The following GPC5 variants were observed in gnomAD, a reference collection of about 807,000 sequenced individuals.
GPC5 encodes glypican-5.
Under a neutral mutation model 53.9 loss-of-function variants are expected in GPC5, and 47 were observed. That is an observed-to-expected ratio of 0.87 (90% CI 0.69 to 1.11). The LOEUF is 1.11. Among genes scored for constraint, GPC5 ranks in the 50% most tolerant of loss-of-function variants. The pLI, the probability that GPC5 is intolerant of heterozygous loss-of-function variation, is 0.00. For missense variants in GPC5, 748 were observed against 713.1 expected (o/e 1.05, Z -0.56); for synonymous variants, 286 against 263.3 (o/e 1.09, Z -0.84).
At chr13:92,069,054 C>T (rs1430065849) in intron 6 of GPC5, among the ~76,000 whole-genome samples, 2 of 151,940 alleles carry the variant, frequency 1.3e-5, no homozygotes, top group African/African-American at 4.8e-5. Flanking sequence ...AACATAAGGT[C>T]AGAATCCAAC....
At chr13:91,635,814 A>G (rs2034271348) in intron 2 of GPC5, among the ~76,000 whole-genome samples, 1 of 151,964 alleles carries the variant, frequency 6.6e-6, no homozygotes, top group African/African-American at 2.4e-5. Flanking sequence ...TCAGTTTCAT[A>G]TTTTTCACTC....
At chr13:92,070,215 T>C (rs1311415254) in intron 6 of GPC5, among the ~76,000 whole-genome samples, 1 of 152,192 alleles carries the variant, frequency 6.6e-6, no homozygotes, top group East Asian at 1.9e-4. Flanking sequence ...ACTGCGATAC[T>C]ACCTACACAA....
At chr13:91,949,080 G>A (rs1747419166) in intron 6 of GPC5, among the ~76,000 whole-genome samples, 1 of 152,060 alleles carries the variant, frequency 6.6e-6, no homozygotes, top group African/African-American at 2.4e-5. Flanking sequence ...ATAACTCATG[G>A]CACATATGGA....
chr13:92,075,066 ATTT>A (rs1191673529), intron 6 of GPC5, among the ~76,000 whole-genome samples: 1 of 152,072 alleles, frequency 6.6e-6, no homozygotes, highest in Non-Finnish European at 1.5e-5. Context: ...CTGTTTTGAA[ATTT>A]TTTTCTTATT....
intron 1 of GPC5, among the ~76,000 whole-genome samples, chr13:91,415,300 A>G (rs559033113): frequency 2.8e-4 from 42 of 152,164 alleles, no homozygotes; most frequent in Non-Finnish European, 5.3e-4. Flanking sequence ...CTGTAACACA[A>G]TCCCCTACAT....
Position 92,866,517 on chromosome 13 carries a change from C to T in GPC5, c.*78C>T. On this transcript the variant is annotated 3_prime_UTR_variant, in exon 8 of 8. Coordinates refer to ENST00000377067, the MANE Select transcript of GPC5 (RefSeq NM_004466.6). The stretch of plus-strand genomic sequence containing the variant: ...CTGCATATGCCTGGAATAAGAGATC[C>T]TTTTTCAATGTAACAATTATATTTA... 8.9e-7 allele frequency: 1 copy of T among 1,123,384 alleles called. No individual in the cohort carries two copies. 69.6% of individuals were successfully genotyped at this position (1,123,384 alleles called of 1,614,324 possible). A position where few individuals can be genotyped will look rare whatever the true frequency, so the allele number is the denominator to read the frequency against.
intron 7 of GPC5, among the ~76,000 whole-genome samples, chr13:92,636,376 A>G (rs936403561): frequency 9.2e-5 from 14 of 152,184 alleles, no homozygotes; most frequent in African/African-American, 3.1e-4. Context: ...TTTGATATAT[A>G]TAGGACTTAT....
intron 6 of GPC5, among the ~76,000 whole-genome samples, chr13:91,975,756 C>G (rs1382458294): frequency 6.6e-6 from 1 of 152,158 alleles, no homozygotes; most frequent in Non-Finnish European, 1.5e-5. Flanking sequence ...TTTGACCCAG[C>G]CATCCCATTA....
At chr13:91,716,548 A>G (rs1006867908) in intron 3 of GPC5, among the ~76,000 whole-genome samples, 1 of 152,174 alleles carries the variant, frequency 6.6e-6, no homozygotes, top group Admixed American at 6.5e-5. Flanking sequence ...TGACTTATGT[A>G]TCCATATCTT....
At chr13:91,667,373 C>A (rs916897568) in intron 2 of GPC5, among the ~76,000 whole-genome samples, 1 of 152,036 alleles carries the variant, frequency 6.6e-6, no homozygotes, top group African/African-American at 2.4e-5. Flanking sequence ...ACATATTACC[C>A]CCTTCATAAT....
intron 2 of GPC5, among the ~76,000 whole-genome samples, chr13:91,572,046 CACATAT>C (rs2031891082): frequency 4.0e-5 from 4 of 100,210 alleles, no homozygotes; most frequent in African/African-American, 3.0e-4. Context: ...TGTATATACA[CACATAT>C]GTATATATAC....
chr13:91,654,260 C>G (rs1325709193), intron 2 of GPC5, among the ~76,000 whole-genome samples: 1 of 152,102 alleles, frequency 6.6e-6, no homozygotes, highest in African/African-American at 2.4e-5. Context: ...CACATAGATC[C>G]AGAAATTCTA....
In GPC5 at chr13:91,457,940, T is replaced by G. The variant is rs560537967; in HGVS notation, c.325+9018T>G. Among the ~76,000 whole-genome samples, 9 of 152,236 alleles carry G rather than the reference T, an allele frequency of 5.9e-5. No individual in the cohort carries two copies. The East Asian group carries it at 1.4e-3, about 23-fold the overall frequency. On this transcript the variant is annotated intron_variant, in intron 2 of 7. Transcript: ENST00000377067. Reference sequence around the variant, plus strand: ...AATGAAACAAAGATCCCTGTCTTGATAGTTCCCATTTCAGCCAGGAAAGAT... The same window carrying G: ...AATGAAACAAAGATCCCTGTCTTGAGAGTTCCCATTTCAGCCAGGAAAGAT...
intron 7 of GPC5, among the ~76,000 whole-genome samples, chr13:92,516,169 C>T (rs1010756155): frequency 1.3e-5 from 2 of 151,884 alleles, no homozygotes; most frequent in Non-Finnish European, 2.9e-5. Context: ...TTTTTTTCTA[C>T]TTTTAAATAT....
At chr13:92,359,575 A>C (rs1020339092) in intron 7 of GPC5, among the ~76,000 whole-genome samples, 1 of 151,538 alleles carries the variant, frequency 6.6e-6, no homozygotes, top group Admixed American at 6.6e-5. Flanking sequence ...ACTACATGAG[A>C]CTGGGTAATT....
chr13:92,099,098 A>C (rs1384053610), intron 6 of GPC5, among the ~76,000 whole-genome samples: 1 of 152,006 alleles, frequency 6.6e-6, no homozygotes, highest in Non-Finnish European at 1.5e-5. Flanking sequence ...CTGAGTTCTG[A>C]AATTTTCCCA....
intron 7 of GPC5, among the ~76,000 whole-genome samples, chr13:92,250,549 G>A (rs1279259929): frequency 6.6e-6 from 1 of 152,078 alleles, no homozygotes; most frequent in East Asian, 1.9e-4. Context: ...CGGGCAAAGA[G>A]TAAGTCCTCA....
intron 7 of GPC5, among the ~76,000 whole-genome samples, chr13:92,212,041 G>A (rs1004984781): frequency 1.3e-5 from 2 of 151,518 alleles, no homozygotes; most frequent in African/African-American, 4.9e-5. Flanking sequence ...TCACAAGGGT[G>A]GAGCCCTGTT....
rs539984179 is a variant in GPC5, at chr13:91,951,823, A to G, written c.1401+43766A>G. On this transcript the variant is annotated intron_variant, in intron 6 of 7. Coordinates refer to ENST00000377067, the MANE Select transcript of GPC5 (RefSeq NM_004466.6). ...TTGGTCTAAAAAATGTATGTTGCTCAGTGCACTGAGCCATGTCTCATCAAA... is the reference window on the plus strand; with the variant it reads ...TTGGTCTAAAAAATGTATGTTGCTCGGTGCACTGAGCCATGTCTCATCAAA... 7.9e-5 allele frequency among the ~76,000 whole-genome samples: 12 copies of G among 152,280 alleles called. No homozygotes were observed. The South Asian group carries it at 2.5e-3, about 32-fold the overall frequency.
Sources: gnomAD v4.1 joint callset for allele counts (sites outside exome capture counted in the v4.1 genomes callset) on GRCh38, gnomAD v4.1.1 for gene constraint, MANE v1.5 for transcripts, NCBI Gene and HGNC (gene_info 2026-07-23, HGNC 2026-07-21) for gene names.